Variants in VPS50 observed in about 807,000 individuals in gnomAD.
The protein encoded by VPS50 is VPS50 subunit of EARP/GARPII complex.
A neutral mutation model predicts 139.7 loss-of-function variants in VPS50; 70 were observed. That is an observed-to-expected ratio of 0.50 (90% CI 0.41 to 0.61). The LOEUF is 0.61. Ranked by LOEUF, VPS50 falls within the 20% of genes least tolerant of loss-of-function variation. The pLI is 0.00. For synonymous variants in VPS50, 365 were observed against 376.7 expected, an observed-to-expected ratio of 0.97 and a Z score of 0.36; for missense variants, 921 against 1,133.7, an observed-to-expected ratio of 0.81 and a Z score of 2.69.
At chr7:93,282,412 T>G (rs1796357775) in intron 12 of VPS50, among the ~76,000 whole-genome samples, 1 of 152,192 alleles carries the variant, frequency 6.6e-6, no homozygotes, top group Admixed American at 6.5e-5. Flanking sequence ...GTGTACATCT[T>G]TATTTCTTTA....
intron 2 of VPS50, among the ~76,000 whole-genome samples, chr7:93,243,417 A>G (rs542161004): frequency 2.0e-5 from 3 of 151,832 alleles, no homozygotes; most frequent in South Asian, 4.2e-4. Context: ...GTGTAGAGCC[A>G]GGTTTGGGAA....
At chr7:93,321,579 C>A (rs540314827) in intron 20 of VPS50, among the ~76,000 whole-genome samples, 1 of 152,300 alleles carries the variant, frequency 6.6e-6, no homozygotes, top group South Asian at 2.1e-4. Context: ...AGTAAGCCTT[C>A]AAAACGCGTT....
At chr7:93,320,210 T>G (rs1193288372) in intron 20 of VPS50, among the ~76,000 whole-genome samples, 1 of 152,158 alleles carries the variant, frequency 6.6e-6, no homozygotes, top group Non-Finnish European at 1.5e-5. Context: ...GGAAAGGGCT[T>G]GGGTAGATTT....
At chr7:93,275,962 A>G in intron 11 of VPS50, 1 of 520,850 alleles carries the variant, frequency 1.9e-6, no homozygotes. Context: ...ATTTATTTTG[A>G]GTGCTCTGAT....
intron 2 of VPS50, among the ~76,000 whole-genome samples, chr7:93,252,343 A>G (rs1795359944): frequency 6.6e-6 from 1 of 152,156 alleles, no homozygotes; most frequent in Admixed American, 6.6e-5. Flanking sequence ...ATATGTATGT[A>G]TGATATGTTT....
In VPS50 at chr7:93,283,379, G is replaced by C. The variant is rs369568051; in HGVS notation, c.942+7074G>C. 2.6e-5 allele frequency among the ~76,000 whole-genome samples: 4 copies of C among 152,000 alleles called. No individual in the cohort carries two copies. In the East Asian group the frequency reaches 7.8e-4, roughly 29 times the overall value. ...AGCTTCCCAAGTAGTTGGGATTACA[G>C]CTCCCACCACCACACCCGGCTAATT... On this transcript the variant is annotated intron_variant, in intron 12 of 27. Transcript: ENST00000305866.
Position 93,303,456 on chromosome 7 carries a change from T to G in VPS50, c.1362-4T>G. 6.6e-7 allele frequency: 1 copy of G among 1,518,210 alleles called. No homozygotes were observed. The highest frequency in any genetic ancestry group is 2.3e-5 in the East Asian group (1 of 43,974). The allele number at this position is 1,518,210 out of a possible 1,614,324, so 94.0% of individuals were successfully genotyped here. ...TTTTGGAGTGTTCATTTTCTTTTTT[T>G]AAGAACACGGCTCGATGAACTGAGA... On this transcript the variant is annotated splice_polypyrimidine_tract_variant and splice_region_variant and intron_variant, in intron 16 of 27. Transcript: ENST00000305866.
chr7:93,303,632 A>G, intron 17 of VPS50, 82 bp downstream of exon 17: 1 of 589,966 alleles, frequency 1.7e-6, no homozygotes, highest in East Asian at 2.8e-5. Flanking sequence ...ATCCAGAAAT[A>G]TATGAAAACA....
intron 25 of VPS50, 47 bp downstream of exon 25, chr7:93,350,080 G>A (rs1408624694): frequency 3.6e-6 from 5 of 1,386,254 alleles, no homozygotes; most frequent in Non-Finnish European, 5.0e-6. Flanking sequence ...TCTACTAAGA[G>A]AAGTGTTCCT....
chr7:93,281,517 A>C (rs1796325418), intron 12 of VPS50, among the ~76,000 whole-genome samples: 1 of 152,144 alleles, frequency 6.6e-6, no homozygotes, highest in Non-Finnish European at 1.5e-5. Flanking sequence ...GCTAAAGTTA[A>C]TGTTCATGTT....
chr7:93,304,604 T>C (rs1797066009), intron 17 of VPS50, among the ~76,000 whole-genome samples: 1 of 151,872 alleles, frequency 6.6e-6, no homozygotes, highest in Non-Finnish European at 1.5e-5. Context: ...AATTTTAGAA[T>C]ATCTATTAAA....
At chr7:93,281,476 T>A (rs1330808701) in intron 12 of VPS50, among the ~76,000 whole-genome samples, 1 of 152,198 alleles carries the variant, frequency 6.6e-6, no homozygotes, top group African/African-American at 2.4e-5. Context: ...TGACTCTCTT[T>A]ACTATGGATA....
intron 9 of VPS50, among the ~76,000 whole-genome samples, chr7:93,260,031 A>G (rs922709512): frequency 6.6e-6 from 1 of 152,180 alleles, no homozygotes; most frequent in Non-Finnish European, 1.5e-5. Flanking sequence ...AGATGGTTCA[A>G]GTGTTTGGCT....
intron 21 of VPS50, among the ~76,000 whole-genome samples, chr7:93,333,169 G>T (rs533494519): frequency 6.6e-6 from 1 of 152,114 alleles, no homozygotes; most frequent in Non-Finnish European, 1.5e-5. Flanking sequence ...AAAATAAAAT[G>T]TATTAAATAT....
rs541233837 is a variant in VPS50, at chr7:93,264,443, G to T, written c.659+4811G>T. 2.1e-3 allele frequency among the ~76,000 whole-genome samples: 314 copies of T among 152,276 alleles called. 2 individuals are homozygous for T. The highest frequency in any genetic ancestry group is 6.8e-3 in the Middle Eastern group (2 of 294). The stretch of plus-strand genomic sequence containing the variant: ...GTTTCAAGGAAAGTTAATTTTAAAA[G>T]TCAAAACTGCTTTATTATTGTATTT... On this transcript the variant is annotated intron_variant, in intron 9 of 27. Transcript: ENST00000305866.
chr7:93,339,096 C>G (rs1798141933), intron 22 of VPS50, among the ~76,000 whole-genome samples: 1 of 151,822 alleles, frequency 6.6e-6, no homozygotes, highest in South Asian at 2.1e-4. Context: ...CAATTGGTGC[C>G]AAACAGTATT....
Position 93,251,226 on chromosome 7 carries a change from C to T in VPS50, c.103-1427C>T, listed in dbSNP as rs184441527. The stretch of plus-strand genomic sequence containing the variant: ...ATCATTCTATACAGATACATGCACA[C>T]GCATGTTTATTGCGGCACTATTCAC... On this transcript the variant is annotated intron_variant, in intron 2 of 27. Transcript: ENST00000305866. 2.1e-3 allele frequency among the ~76,000 whole-genome samples: 323 copies of T among 152,218 alleles called. 1 individual carries two copies. The highest frequency in any genetic ancestry group is 7.2e-3 in the African/African-American group (298 of 41,540).
At chr7:93,328,403 G>T (rs1464195001) in intron 21 of VPS50, among the ~76,000 whole-genome samples, 1 of 152,082 alleles carries the variant, frequency 6.6e-6, no homozygotes, top group Admixed American at 6.6e-5. Context: ...TAGTAAAACG[G>T]TTTCTTTGTA....
chr7:93,303,484 G>A lies in VPS50; in HGVS notation c.1386G>A (p.Met462Ile). The A allele has an allele frequency of 1.3e-6, 2 of 1,577,826 alleles. No individual in the cohort carries two copies. Among genetic ancestry groups the A allele is most frequent in the South Asian group, 1.2e-5 (1 of 86,884 alleles). The part of the protein sequence containing the change: ...YHRTRLDELR[M>I]FLENETWELC... ...GAACACGGCTCGATGAACTGAGAAT[G>A]TTCTTAGAGAATGAGACTTGGGAAC... Residue 462 changes from methionine (M) to isoleucine (I), a missense_variant, in exon 17 of 28, where the codon ATG becomes ATA. By Grantham distance (10) the Met-to-Ile change is conservative (BLOSUM62 1). Coordinates refer to ENST00000305866, the MANE Select transcript of VPS50 (RefSeq NM_017667.4).
Sources: gnomAD v4.1 joint callset for allele counts (sites outside exome capture counted in the v4.1 genomes callset) on GRCh38, gnomAD v4.1.1 for gene constraint, MANE v1.5 for transcripts, NCBI Gene and HGNC (gene_info 2026-07-23, HGNC 2026-07-21) for gene names.